Variants in VANGL2 observed in about 807,000 individuals in gnomAD.
VANGL2 encodes VANGL planar cell polarity protein 2, also known as vang-like protein 2.
In VANGL2, 14 loss-of-function variants were observed where a neutral mutation model predicts 50.2. That is an observed-to-expected ratio of 0.28 (90% CI 0.18 to 0.44). The LOEUF is 0.44. Ranked by LOEUF, VANGL2 falls within the 20% of genes least tolerant of loss-of-function variation. The probability of loss-of-function intolerance (pLI) is 1.00; values close to 1 mark genes in which losing one functional copy is unlikely to be tolerated. For missense variants in VANGL2, 533 were observed against 701.5 expected (o/e 0.76, Z 2.71); for synonymous variants, 295 against 297.2 (o/e 0.99, Z 0.08).
In VANGL2 at chr1:160,412,331, G is replaced by A. The variant is rs953302647; in HGVS notation, c.-190-3317G>A. 2.0e-5 allele frequency among the ~76,000 whole-genome samples: 3 copies of A among 151,950 alleles called. No homozygotes were observed. The East Asian group carries it at 5.8e-4, about 29-fold the overall frequency. The stretch of plus-strand genomic sequence containing the variant: ...GTCTAGACTCTAGTCCGTGGCAGTT[G>A]TTTACTTCTCCACCCCCTTCTCTAC... On this transcript the variant is annotated intron_variant, in intron 1 of 7. Transcript: ENST00000368061.
rs1276909564 is a variant in VANGL2 at position 160,416,199 on chromosome 1, C to T, written c.192+17C>T. The stretch of plus-strand genomic sequence containing the variant: ...GATGAGCGGGTGAGCACTGGGGATG[C>T]GGTGGTCCAGACCGGGCATTTTCAG... On this transcript the variant is annotated intron_variant, in intron 3 of 7. Coordinates refer to ENST00000368061, the MANE Select transcript of VANGL2 (RefSeq NM_020335.3). 8.1e-6 allele frequency: 13 copies of T among 1,613,928 alleles called. No individual in the cohort carries two copies. Among genetic ancestry groups the T allele is most frequent in the African/African-American group, 4.0e-5 (3 of 75,048 alleles).
chr1:160,414,280 C>T (rs1650981231), intron 1 of VANGL2, among the ~76,000 whole-genome samples: 1 of 152,214 alleles, frequency 6.6e-6, no homozygotes, highest in Non-Finnish European at 1.5e-5. Context: ...GCAGTGCCAC[C>T]TTCTACCACC....
intron 1 of VANGL2, among the ~76,000 whole-genome samples, chr1:160,410,675 TACACACAC>T (rs111892045): frequency 2.8e-5 from 4 of 143,250 alleles, no homozygotes; most frequent in African/African-American, 7.6e-5. Context: ...ACCCCCCTTA[TACACACAC>T]ACACACACAC....
rs1371058629 is a variant in VANGL2, at chr1:160,425,290, A to C, written c.1478A>C (p.Lys493Thr). The change falls in exon 8 of 8, where the codon AAG becomes ACG. Residue 493 changes from lysine to threonine, a missense_variant. Physicochemically the swap from Lys to Thr is moderately conservative, Grantham distance 78. Transcript: ENST00000368061. The part of the protein sequence containing the change: ...QDFSLVVSTK[K>T]VPFFKLSEEF... The stretch of plus-strand genomic sequence containing the variant: ...TTCAGCCTGGTGGTCAGCACCAAGA[A>C]GGTCCCATTCTTCAAACTCTCCGAG... 6.2e-7 allele frequency: 1 copy of C among 1,614,048 alleles called. No homozygotes were observed. Among genetic ancestry groups the C allele is most frequent in the East Asian group, 2.2e-5 (1 of 44,866 alleles).
intron 1 of VANGL2, among the ~76,000 whole-genome samples, chr1:160,406,299 C>G (rs766894153): frequency 2.6e-5 from 4 of 152,184 alleles, no homozygotes; most frequent in Non-Finnish European, 5.9e-5. Context: ...TGCCTTTAAT[C>G]TTGCACTTGA....
intron 3 of VANGL2, among the ~76,000 whole-genome samples, chr1:160,418,312 G>A (rs1445271348): frequency 2.0e-5 from 3 of 152,022 alleles, no homozygotes; most frequent in Non-Finnish European, 4.4e-5. Flanking sequence ...TGGGCCTGAG[G>A]TTCCGCCTTT....
At chr1:160,412,007 T>A (rs1375882962) in intron 1 of VANGL2, among the ~76,000 whole-genome samples, 2 of 152,212 alleles carry the variant, frequency 1.3e-5, no homozygotes, top group African/African-American at 4.8e-5. Context: ...AACTTGTTAA[T>A]TGCTTAACTA....
intron 1 of VANGL2, among the ~76,000 whole-genome samples, chr1:160,401,171 C>A (rs913567587): frequency 1.3e-5 from 2 of 152,036 alleles, no homozygotes; most frequent in African/African-American, 4.8e-5. Flanking sequence ...CGGGCGGGGG[C>A]CTTAATGATC....
intron 1 of VANGL2, among the ~76,000 whole-genome samples, chr1:160,407,244 A>G (rs1214953665): frequency 6.6e-6 from 1 of 152,132 alleles, no homozygotes; most frequent in Non-Finnish European, 1.5e-5. Flanking sequence ...GGTGGTCGCG[A>G]TGGTGGAGGC....
At chr1:160,406,497 G>C (rs935514868) in intron 1 of VANGL2, among the ~76,000 whole-genome samples, 1 of 152,132 alleles carries the variant, frequency 6.6e-6, no homozygotes, top group Non-Finnish European at 1.5e-5. Context: ...CTTTCTCCTT[G>C]CTGGGCCATG....
intron 1 of VANGL2, among the ~76,000 whole-genome samples, chr1:160,413,349 C>T (rs1328789582): frequency 2.0e-5 from 3 of 150,090 alleles, no homozygotes; most frequent in African/African-American, 4.9e-5. Context: ...GGCATGATCT[C>T]GGCTCACTGC....
Position 160,419,011 on chromosome 1 carries a change from T to C in VANGL2, c.202T>C (p.Trp68Arg), listed in dbSNP as rs1211843233. 1 of 1,605,700 alleles carries C rather than the reference T, an allele frequency of 6.2e-7. No homozygotes were observed. The highest frequency in any genetic ancestry group is 8.5e-7 in the Non-Finnish European group (1 of 1,173,844). The part of the protein sequence containing the change: ...STRGDERDDN[W>R]GETTTVVTGT... ...CCCCTTCTGCCTGTAGGATGACAAC[T>C]GGGGGGAAACGACGACAGTAGTAAC... The change falls in exon 4 of 8, where the codon TGG becomes CGG. Residue 68 changes from tryptophan to arginine, a missense_variant. Coordinates refer to ENST00000368061, the MANE Select transcript of VANGL2 (RefSeq NM_020335.3). This position sits in a 1 kb window ranked among gnomAD's most constrained non-coding sequence, Gnocchi z 5.8.
At position 160,419,127 on chromosome 1, in the gene VANGL2, C is replaced by G; in HGVS notation, c.318C>G (p.His106Gln). The G allele has an allele frequency of 1.2e-6, 2 of 1,614,234 alleles. No individual in the cohort carries two copies. The highest frequency in any genetic ancestry group is 1.3e-5 in the African/African-American group (1 of 75,068). Reference sequence around the variant, plus strand: ...GTGTCCCTCTGGACTGCTCCCGTCACCTGGGTGTGGCAGCGGGGGCCACCC... The same window carrying G: ...GTGTCCCTCTGGACTGCTCCCGTCAGCTGGGTGTGGCAGCGGGGGCCACCC... ...EDSVPLDCSR[H>Q]LGVAAGATLA... is the part of the protein sequence containing the mutation. The change falls in exon 4 of 8, where the codon CAC becomes CAG. Residue 106 changes from histidine to glutamine, a missense_variant. Coordinates refer to ENST00000368061, the MANE Select transcript of VANGL2 (RefSeq NM_020335.3). This position sits in a 1 kb window ranked among gnomAD's most constrained non-coding sequence, Gnocchi z 5.8.
chr1:160,408,547 C>T (rs1650766626), intron 1 of VANGL2, among the ~76,000 whole-genome samples: 3 of 152,170 alleles, frequency 2.0e-5, no homozygotes, highest in Non-Finnish European at 4.4e-5. Flanking sequence ...GCCTGGATGA[C>T]ACAAGCATGG....
At chr1:160,409,043 CTT>C (rs1439969541) in intron 1 of VANGL2, among the ~76,000 whole-genome samples, 1 of 152,200 alleles carries the variant, frequency 6.6e-6, no homozygotes, top group Non-Finnish European at 1.5e-5. Flanking sequence ...GATAGAGGCT[CTT>C]TGGTTCTGGC....
At chr1:160,412,494 G>A (rs1449891120) in intron 1 of VANGL2, among the ~76,000 whole-genome samples, 1 of 152,120 alleles carries the variant, frequency 6.6e-6, no homozygotes, top group Admixed American at 6.5e-5. Context: ...GGAGGAGTAG[G>A]CCAGTAGAAT....
rs1486738288 is a variant in VANGL2, at chr1:160,419,812, G to GCCGTA, written c.800+204_800+205insCGTAC. 1.3e-5 allele frequency among the ~76,000 whole-genome samples: 2 copies of GCCGTA among 151,582 alleles called. No individual in the cohort carries two copies. The highest frequency in any genetic ancestry group is 2.9e-5 in the Non-Finnish European group (2 of 67,984). On this transcript the variant is annotated intron_variant, in intron 4 of 7. Coordinates refer to ENST00000368061, the MANE Select transcript of VANGL2 (RefSeq NM_020335.3). This position sits in a 1 kb window ranked among gnomAD's most constrained non-coding sequence, Gnocchi z 5.8. ...GCAGGTTCATGTACACGGTCTTGGG[G>GCCGTA]CAAGATCAGTTGGGAGTTATGAGAT... is the stretch of plus-strand genomic sequence containing the variant.
At chr1:160,416,317 T>C (rs999700370) in intron 3 of VANGL2, 135 bp downstream of exon 3, 1 of 1,470,840 alleles carries the variant, frequency 6.8e-7, no homozygotes, top group Non-Finnish European at 9.4e-7. Flanking sequence ...GTGTTTTGTG[T>C]TACACTTAGC....
intron 1 of VANGL2, among the ~76,000 whole-genome samples, chr1:160,407,096 G>T (rs976323266): frequency 1.8e-4 from 27 of 152,194 alleles, no homozygotes; most frequent in Non-Finnish European, 1.9e-4. Context: ...AAGTGTGAAT[G>T]CAGTCACTTA....
Sources: gnomAD v4.1 joint callset for allele counts (sites outside exome capture counted in the v4.1 genomes callset) on GRCh38, gnomAD v4.1.1 for gene constraint, Gnocchi (gnomAD v3.1) non-coding constraint, MANE v1.5 for transcripts, NCBI Gene and HGNC (gene_info 2026-07-23, HGNC 2026-07-21) for gene names.